FBLN7: variants seen among roughly 807,000 people sequenced by gnomAD.
FBLN7 encodes fibulin 7, also known as fibulin-7.
In FBLN7, 31 loss-of-function variants were observed where a neutral mutation model predicts 44.0. That is an observed-to-expected ratio of 0.70 (90% CI 0.53 to 0.95). The LOEUF is 0.95. FBLN7 is among the 40% of genes least tolerant of loss of function. FBLN7 has a pLI of 0.00. For missense variants in FBLN7, 573 were observed against 618.5 expected (o/e 0.93, Z 0.78); for synonymous variants, 262 against 253.4 (o/e 1.03, Z -0.32).
chr2:112,231,727 C>T, the FBLN7 span: 2 of 512,172 alleles, frequency 3.9e-6, no homozygotes, highest in Admixed American at 3.6e-5. Flanking sequence ...TAATATATCC[C>T]ATATGCTAAC....
intron 2 of FBLN7, among the ~76,000 whole-genome samples, chr2:112,160,647 C>T (rs1483764118): frequency 2.2e-4 from 1 of 4,532 alleles, no homozygotes; most frequent in Non-Finnish European, 4.8e-4. Flanking sequence ...CACACACACG[C>T]GCACGCACAC....
In FBLN7 at chr2:112,144,342, A is replaced by T. The variant is rs1179561624; in HGVS notation, c.75+5612A>T. Among the ~76,000 whole-genome samples the T allele has an allele frequency of 2.6e-5, 4 of 152,208 alleles. No individual in the cohort carries two copies. In the East Asian group the frequency reaches 7.7e-4, roughly 29 times the overall value. ...TTTATATTTTATTTTCACATTGAAAATCATTCAGATTTGCTTCAGCTTCAA... is the reference window on the plus strand; with the variant it reads ...TTTATATTTTATTTTCACATTGAAATTCATTCAGATTTGCTTCAGCTTCAA... On this transcript the variant is annotated intron_variant, in intron 1 of 7. Transcript: ENST00000331203.
At chr2:112,223,243 A>G in the FBLN7 span, among the ~76,000 whole-genome samples, 1 of 152,170 alleles carries the variant, frequency 6.6e-6, no homozygotes, top group Non-Finnish European at 1.5e-5. Flanking sequence ...TGTACCCTAG[A>G]ACTTAAAGTA....
intron 7 of FBLN7, among the ~76,000 whole-genome samples, chr2:112,186,157 G>A (rs191769826): frequency 1.3e-5 from 2 of 152,260 alleles, no homozygotes; most frequent in East Asian, 1.9e-4. Flanking sequence ...TAGGGAACGG[G>A]TCTATGACGG....
the FBLN7 span, among the ~76,000 whole-genome samples, chr2:112,209,381 C>A: frequency 1.3e-5 from 2 of 152,142 alleles, no homozygotes; most frequent in African/African-American, 2.4e-5. Flanking sequence ...CAATCATTTG[C>A]TGAATTACCC....
intron 2 of FBLN7, among the ~76,000 whole-genome samples, chr2:112,161,155 G>A (rs773085171): frequency 2.0e-5 from 3 of 152,156 alleles, no homozygotes; most frequent in Non-Finnish European, 4.4e-5. Context: ...GTTTTCCTCC[G>A]GTGTCTTAGG....
At chr2:112,231,921 T>G in the FBLN7 span, 2 of 1,583,538 alleles carry the variant, frequency 1.3e-6, no homozygotes, top group Admixed American at 1.7e-5. Context: ...TTTGTTCCTG[T>G]ATGGTAAAAC....
At chr2:112,180,726 C>G (rs1375870074) in intron 4 of FBLN7, among the ~76,000 whole-genome samples, 1 of 151,970 alleles carries the variant, frequency 6.6e-6, no homozygotes, top group Non-Finnish European at 1.5e-5. Flanking sequence ...CAAGACCATC[C>G]TGGCTAACAT....
intron 3 of FBLN7, among the ~76,000 whole-genome samples, chr2:112,167,690 CT>C: frequency 6.6e-6 from 1 of 152,284 alleles, no homozygotes; most frequent in South Asian, 2.1e-4. Context: ...AGTAATACTG[CT>C]GTTAACTAAA....
intron 1 of FBLN7, chr2:112,153,284 C>A (rs1681256387): frequency 6.6e-6 from 1 of 152,166 alleles, no homozygotes; most frequent in South Asian, 2.1e-4. Flanking sequence ...CTTTCAGAGA[C>A]CTAAGGCATC....
Position 112,160,005 on chromosome 2 carries a change from T to G in FBLN7, c.235+170T>G, listed in dbSNP as rs375262561. On this transcript the variant is annotated intron_variant, in intron 2 of 7. Transcript: ENST00000331203. The stretch of plus-strand genomic sequence containing the variant: ...TTATTATTTATTTATTTATTTATTT[T>G]TTTGAGACGGAGTCTCGCTCTGTCG... Among the ~76,000 whole-genome samples the G allele has an allele frequency of 4.6e-5, 7 of 152,110 alleles. No homozygotes were observed. The South Asian group carries it at 1.5e-3, about 32-fold the overall frequency.
the FBLN7 span, among the ~76,000 whole-genome samples, chr2:112,239,070 A>G: frequency 0.025 from 3,838 of 152,334 alleles, 164 homozygotes; most frequent in African/African-American, 0.087. Context: ...AATGATGACA[A>G]GGAATAAAGA....
At chr2:112,197,234 AACACACAC>A in the FBLN7 span, among the ~76,000 whole-genome samples, 98 of 89,366 alleles carry the variant, frequency 1.1e-3, 1 homozygote, top group East Asian at 0.019. Flanking sequence ...CGTAAGAGAA[AACACACAC>A]ACACACACAC....
chr2:112,232,095 A>G, the FBLN7 span: 5 of 420,780 alleles, frequency 1.2e-5, no homozygotes, highest in South Asian at 3.1e-4. Flanking sequence ...AGATCACTTG[A>G]GGCCAGGAGT....
At chr2:112,154,988 A>G (rs1681343103) in intron 1 of FBLN7, among the ~76,000 whole-genome samples, 1 of 152,210 alleles carries the variant, frequency 6.6e-6, no homozygotes, top group South Asian at 2.1e-4. Flanking sequence ...ACGTCTGTGC[A>G]AGGGAGCACC....
At chr2:112,163,221 C>T (rs1194236011) in intron 2 of FBLN7, among the ~76,000 whole-genome samples, 2 of 152,180 alleles carry the variant, frequency 1.3e-5, no homozygotes, top group African/African-American at 2.4e-5. Context: ...GGCAGGGCTA[C>T]ACCATCCTGC....
At chr2:112,171,891 T>C (rs1040157693) in intron 3 of FBLN7, among the ~76,000 whole-genome samples, 45 of 152,142 alleles carry the variant, frequency 3.0e-4, no homozygotes, top group African/African-American at 1.0e-3. Flanking sequence ...GGACTACAGG[T>C]GCCCGCCACC....
intron 2 of FBLN7, among the ~76,000 whole-genome samples, chr2:112,160,199 C>T (rs918408189): frequency 6.6e-6 from 1 of 152,096 alleles, no homozygotes; most frequent in African/African-American, 2.4e-5. Flanking sequence ...ACCTTGTTAG[C>T]CAGGATGGTC....
intron 2 of FBLN7, among the ~76,000 whole-genome samples, chr2:112,160,091 C>G (rs537877321): frequency 6.6e-6 from 1 of 152,110 alleles, no homozygotes; most frequent in African/African-American, 2.4e-5. Context: ...CCCGGGTTCA[C>G]GCCATTCTCC....
Sources: allele counts gnomAD v4.1 joint callset (sites outside exome capture counted in the v4.1 genomes callset), GRCh38; gene constraint gnomAD v4.1.1; transcripts MANE v1.5; gene names NCBI Gene and HGNC (gene_info 2026-07-23, HGNC 2026-07-21).